The following THAP6 variants were observed in gnomAD, a reference collection of about 807,000 sequenced individuals.
THAP6 encodes the protein THAP domain containing 6, also known as THAP domain-containing protein 6.
Under a neutral mutation model 20.0 loss-of-function variants are expected in THAP6, and 13 were observed. The observed-to-expected ratio is 0.65, with a 90% CI of 0.42 to 1.03. The LOEUF is 1.03. Among genes scored for constraint, THAP6 ranks in the 50% least tolerant of loss-of-function variants. The probability of loss-of-function intolerance (pLI) is 0.00; values close to 1 mark genes in which losing one functional copy is unlikely to be tolerated. For synonymous variants in THAP6, 93 were observed against 92.2 expected (o/e 1.01, Z -0.05); for missense variants, 262 against 261.6 (o/e 1.00, Z -0.01).
At chr4:75,534,186 G>T (rs1726784756), downstream of THAP6, among the ~76,000 whole-genome samples, 1 of 152,140 alleles carries the variant, frequency 6.6e-6, no homozygotes, top group Non-Finnish European at 1.5e-5. Context: ...TTGGTTCCAA[G>T]TCTTTGCTAT....
intron 3 of THAP6, among the ~76,000 whole-genome samples, chr4:75,545,234 C>T (rs190451287): frequency 9.2e-5 from 14 of 152,244 alleles, no homozygotes; most frequent in East Asian, 7.7e-4. Flanking sequence ...GAGAGCACAG[C>T]GCGGATTCAC....
At chr4:75,537,061 A>G (rs1270802727) in intron 2 of THAP6, among the ~76,000 whole-genome samples, 3 of 152,224 alleles carry the variant, frequency 2.0e-5, no homozygotes. Context: ...ATTCATATGC[A>G]AAAACTTGCA....
chr4:75,535,282 C>A (rs1578279990), intron 2 of THAP6, among the ~76,000 whole-genome samples: 2 of 152,220 alleles, frequency 1.3e-5, no homozygotes, highest in East Asian at 3.8e-4. Flanking sequence ...CAAACCATAT[C>A]AGAAGCTATG....
intron 4 of THAP6, among the ~76,000 whole-genome samples, chr4:75,523,027 C>T (rs1283662667): frequency 6.6e-6 from 1 of 152,160 alleles, no homozygotes; most frequent in Non-Finnish European, 1.5e-5. Flanking sequence ...GAGGAACTTC[C>T]AAACTGTTCT....
upstream of THAP6, chr4:75,514,153 A>C (rs781270546): frequency 4.6e-5 from 73 of 1,584,418 alleles, no homozygotes; most frequent in Non-Finnish European, 5.4e-5. Context: ...CCCCAGCCCA[A>C]CCTGACGGAA....
At chr4:75,540,781 G>A (rs1726979496) in intron 2 of THAP6, among the ~76,000 whole-genome samples, 3 of 152,080 alleles carry the variant, frequency 2.0e-5, no homozygotes, top group African/African-American at 7.2e-5. Context: ...TTATTAAACA[G>A]GTAGATTTTA....
downstream of THAP6, among the ~76,000 whole-genome samples, chr4:75,532,843 T>TCCCTGGGCTGCACACAACACGGGGA (rs1726727208): frequency 6.6e-6 from 1 of 152,136 alleles, no homozygotes; most frequent in East Asian, 1.9e-4. Context: ...GGGCACCAAG[T>TCCCTGGGCTGCACACAACACGGGGA]CCCTGGGCTG....
chr4:75,534,131 G>A (rs1726783443), downstream of THAP6, among the ~76,000 whole-genome samples: 1 of 152,144 alleles, frequency 6.6e-6, no homozygotes, highest in Admixed American at 6.6e-5. Flanking sequence ...TGGTGTATAT[G>A]TGCCACATTT....
chr4:75,545,094 A>G (rs1727096828), intron 3 of THAP6, among the ~76,000 whole-genome samples: 1 of 152,206 alleles, frequency 6.6e-6, no homozygotes, highest in Non-Finnish European at 1.5e-5. Flanking sequence ...TAAGAATTAC[A>G]TGACTTAATG....
At chr4:75,519,037 A>G (rs936442716) in intron 3 of THAP6, among the ~76,000 whole-genome samples, 1 of 152,212 alleles carries the variant, frequency 6.6e-6, no homozygotes, top group East Asian at 1.9e-4. Context: ...AAACATTGCA[A>G]GTGACCCAGA....
chr4:75,513,940 C>A, upstream of THAP6: 1 of 360,636 alleles, frequency 2.8e-6, no homozygotes, highest in Non-Finnish European at 4.9e-6. Context: ...CGAATAAGCC[C>A]ACTGGCAGAG....
At chr4:75,542,670 A>G (rs957630669) in intron 3 of THAP6, 3 of 495,604 alleles carry the variant, frequency 6.1e-6, no homozygotes, top group Non-Finnish European at 7.2e-6. Flanking sequence ...CATTATATGA[A>G]GTCACGTTGT....
chr4:75,538,837 T>C (rs1157936641), intron 2 of THAP6, among the ~76,000 whole-genome samples: 2 of 152,124 alleles, frequency 1.3e-5, no homozygotes, highest in Non-Finnish European at 2.9e-5. Flanking sequence ...TGACAGAGAT[T>C]GAAACGAATG....
intron 2 of THAP6, among the ~76,000 whole-genome samples, chr4:75,516,418 C>A (rs1400980698): frequency 6.6e-6 from 1 of 152,206 alleles, no homozygotes; most frequent in Non-Finnish European, 1.5e-5. Context: ...TTCTGGATAT[C>A]ATTTCAGATA....
At chr4:75,532,051 A>G (rs1726697091), downstream of THAP6, among the ~76,000 whole-genome samples, 1 of 152,098 alleles carries the variant, frequency 6.6e-6, no homozygotes, top group Admixed American at 6.5e-5. Context: ...CAGTCCCCCA[A>G]AGTCTCAATT....
intron 2 of THAP6, 101 bp from the exon 3 acceptor site, chr4:75,516,669 CTA>C: frequency 1.1e-6 from 1 of 879,054 alleles, no homozygotes; most frequent in Non-Finnish European, 1.7e-6. Flanking sequence ...GACTAATAAA[CTA>C]GTTAACGAAT....
chr4:75,538,504 TA>T lies in THAP6; in HGVS notation c.166-3904del, dbSNP rs369964337. The stretch of plus-strand genomic sequence containing the variant: ...CTGATTCTCTGGCCAAAAGAAAAAA[TA>T]TTCTATCCCTAGGAAGATGAGAGGT... On this transcript the variant is annotated intron_variant, in intron 2 of 4. Transcript: ENST00000502620. 2.8e-4 allele frequency among the ~76,000 whole-genome samples: 42 copies of T among 151,902 alleles called. No homozygotes were observed. The East Asian group carries it at 7.7e-3, about 28-fold the overall frequency.
chr4:75,540,450 C>T (rs905415467), intron 2 of THAP6, among the ~76,000 whole-genome samples: 1 of 152,216 alleles, frequency 6.6e-6, no homozygotes, highest in African/African-American at 2.4e-5. Flanking sequence ...AATCCTTGAA[C>T]TCACCTGAGC....
At chr4:75,537,229 C>T (rs925319381) in intron 2 of THAP6, among the ~76,000 whole-genome samples, 2 of 152,142 alleles carry the variant, frequency 1.3e-5, no homozygotes, top group Non-Finnish European at 2.9e-5. Flanking sequence ...ATAATGCCCC[C>T]TGCAAAGATG....
Sources: gnomAD v4.1 joint callset for allele counts (sites outside exome capture counted in the v4.1 genomes callset) on GRCh38, gnomAD v4.1.1 for gene constraint, MANE v1.5 for transcripts, NCBI Gene and HGNC (gene_info 2026-07-23, HGNC 2026-07-21) for gene names.